CMAS: variants seen among roughly 807,000 people sequenced by gnomAD.
The protein encoded by CMAS is cytidine monophosphate N-acetylneuraminic acid synthetase, also known as N-acylneuraminate cytidylyltransferase.
In CMAS, 21 loss-of-function variants were observed where a neutral mutation model predicts 53.4. The observed-to-expected ratio is 0.39, with a 90% CI of 0.28 to 0.57. The LOEUF (loss-of-function observed/expected upper bound fraction) is 0.57, where lower values mean the gene tolerates loss of function less well. Among genes scored for constraint, CMAS ranks in the 20% least tolerant of loss-of-function variants. CMAS has a pLI of 0.56. For missense variants in CMAS, 384 were observed against 534.9 expected (o/e 0.72, Z 2.78); for synonymous variants, 189 against 195.2 (o/e 0.97, Z 0.27).
chr12:22,046,401 G>T lies in CMAS; in HGVS notation c.98G>T (p.Gly33Val). The stretch of plus-strand genomic sequence containing the variant: ...CCGAAGCTGCAGCGCAACTCTCGCG[G>T]CGGCCAGGGCCGAGGTGTGGAGAAG... Reference protein sequence around the residue: ...RPPKLQRNSRGGQGRGVEKPP... With the variant: ...RPPKLQRNSRVGQGRGVEKPP... The change falls in exon 1 of 8, where the codon GGC becomes GTC. Residue 33 changes from glycine (G) to valine (V), a missense_variant. Transcript: ENST00000229329. The T allele has an allele frequency of 6.3e-7, 1 of 1,589,026 alleles. No homozygotes were observed. The highest frequency in any genetic ancestry group is 8.6e-7 in the Non-Finnish European group (1 of 1,169,416).
chr12:22,057,240 TACACACACACACAC>T (rs71053372), intron 3 of CMAS, among the ~76,000 whole-genome samples: 19 of 118,082 alleles, frequency 1.6e-4, no homozygotes, highest in Admixed American at 1.2e-3. Flanking sequence ...CACACACACA[TACACACACACACAC>T]ACACACACAC....
intron 1 of CMAS, among the ~76,000 whole-genome samples, chr12:22,053,949 CAG>C (rs1365396239): frequency 4.1e-5 from 6 of 145,768 alleles, no homozygotes; most frequent in South Asian, 4.4e-4. Context: ...TTTTTTGAGA[CAG>C]GGTCTCGCTG....
At chr12:22,048,501 T>A (rs1391474231) in intron 1 of CMAS, among the ~76,000 whole-genome samples, 8 of 152,184 alleles carry the variant, frequency 5.3e-5, no homozygotes, top group African/African-American at 1.9e-4. Context: ...CAGGTTCCCT[T>A]AAAATGGCTT....
At chr12:22,056,545 T>C (rs1456905578) in intron 3 of CMAS, among the ~76,000 whole-genome samples, 1 of 152,198 alleles carries the variant, frequency 6.6e-6, no homozygotes. Context: ...ACATCTTGTA[T>C]GTGTTACTGA....
At position 22,046,481 on chromosome 12, in the gene CMAS, C is replaced by A. The variant is rs759974914; in HGVS notation, c.178C>A (p.Leu60Met). ...LARGGSKGIP[L>M]KNIKHLAGVP... ...CCGGGGAGGCAGCAAAGGCATCCCC[C>A]TGAAGAACATTAAGCACCTGGCGGG... Residue 60 changes from leucine to methionine, a missense_variant, in exon 1 of 8, where the codon CTG becomes ATG. By Grantham distance (15) the Leu-to-Met change is conservative (BLOSUM62 2). This residue lies in a region of CMAS where 111 missense variants were observed against 132.2 expected (regional missense o/e 0.84). Transcript: ENST00000229329. The A allele has an allele frequency of 1.2e-6, 2 of 1,610,096 alleles. No homozygotes were observed. Among genetic ancestry groups the A allele is most frequent in the South Asian group, 1.1e-5 (1 of 90,038 alleles).
chr12:22,062,575 A>AAAC, intron 7 of CMAS, 141 bp downstream of exon 7: 1 of 803,890 alleles, frequency 1.2e-6, no homozygotes, highest in Non-Finnish European at 2.0e-6. Context: ...ACTGCTGATC[A>AAAC]AACTGTTAAA....
rs1035277667 is a variant in CMAS at position 22,055,401 on chromosome 12, C to A, written c.404-54C>A. The A allele has an allele frequency of 4.6e-6, 7 of 1,508,026 alleles. No individual in the cohort carries two copies. The Admixed American group carries it at 1.4e-4, about 31-fold the overall frequency. 93.4% of individuals were successfully genotyped at this position (1,508,026 alleles called of 1,614,324 possible). A position where few individuals can be genotyped will look rare whatever the true frequency, so the allele number is the denominator to read the frequency against. Reference sequence around the variant, plus strand: ...GAATTCCAAACCTTAATATTACTTGCTTGCAAGGAACTTTTTTTTTAAATA... The same window carrying A: ...GAATTCCAAACCTTAATATTACTTGATTGCAAGGAACTTTTTTTTTAAATA... On this transcript the variant is annotated intron_variant, in intron 2 of 7. Transcript: ENST00000229329.
At chr12:22,062,485 T>G (rs1950315175) in intron 7 of CMAS, 51 bp downstream of exon 7, 2 of 1,553,754 alleles carry the variant, frequency 1.3e-6, no homozygotes, top group Admixed American at 1.8e-5. Flanking sequence ...AATTAATTAT[T>G]TACTTATTTT....
chr12:22,062,237 A>G, intron 6 of CMAS, 44 bp from the exon 7 acceptor site: 1 of 1,520,518 alleles, frequency 6.6e-7, no homozygotes, highest in Non-Finnish European at 8.8e-7. Flanking sequence ...TCACTTTTTA[A>G]TTTTTCCCTT....
chr12:22,061,559 T>C (rs1165939541), intron 6 of CMAS, 107 bp downstream of exon 6: 3 of 739,914 alleles, frequency 4.1e-6, no homozygotes, highest in Non-Finnish European at 6.0e-6. Flanking sequence ...TCTTAAAATA[T>C]CTGAAATTTG....
chr12:22,053,561 G>A (rs1299046332), intron 1 of CMAS, among the ~76,000 whole-genome samples: 2 of 150,266 alleles, frequency 1.3e-5, no homozygotes, highest in East Asian at 4.0e-4. Flanking sequence ...AAGTCATTAA[G>A]ATATCTTTGC....
chr12:22,057,931 G>A (rs1000996453), intron 3 of CMAS, among the ~76,000 whole-genome samples: 9 of 150,828 alleles, frequency 6.0e-5, no homozygotes, highest in Non-Finnish European at 7.4e-5. Flanking sequence ...GGGTTCAAGC[G>A]ATTCTCCTGC....
At chr12:22,048,450 A>G (rs915306377) in intron 1 of CMAS, among the ~76,000 whole-genome samples, 3 of 152,098 alleles carry the variant, frequency 2.0e-5, no homozygotes, top group African/African-American at 4.8e-5. Flanking sequence ...AAGCCCTAGC[A>G]TGGCTTCTAG....
rs997704092 is a variant in CMAS at position 22,062,396 on chromosome 12, A to C, written c.1076A>C (p.Lys359Thr). The C allele has an allele frequency of 9.9e-6, 16 of 1,613,816 alleles. No homozygotes were observed. The highest frequency in any genetic ancestry group is 1.4e-5 in the Non-Finnish European group (16 of 1,179,816). ...CTAGCAGTTGTAGATGAATGGAGAA[A>C]AGAAATGGGCCTGTGCTGGAAAGAA... ...DKLAVVDEWR[K>T]EMGLCWKEVA... is the part of the protein sequence containing the mutation. Residue 359 changes from lysine to threonine, a missense_variant, in exon 7 of 8, where the codon AAA becomes ACA. By Grantham distance (78) the Lys-to-Thr change is moderately conservative (BLOSUM62 -1). This residue lies in a region of CMAS where 134 missense variants were observed against 154.6 expected (regional missense o/e 0.87). Coordinates refer to ENST00000229329, the MANE Select transcript of CMAS (RefSeq NM_018686.6).
At chr12:22,062,987 T>TACAA (rs1950318782) in intron 7 of CMAS, among the ~76,000 whole-genome samples, 1 of 152,190 alleles carries the variant, frequency 6.6e-6, no homozygotes, top group African/African-American at 2.4e-5. Context: ...ATGCAACCAT[T>TACAA]ACAAACAGTG....
At chr12:22,057,079 T>G (rs1950272912) in intron 3 of CMAS, among the ~76,000 whole-genome samples, 1 of 152,196 alleles carries the variant, frequency 6.6e-6, no homozygotes, top group African/African-American at 2.4e-5. Context: ...TGCTAAGGTT[T>G]TTTCCTGGGT....
intron 4 of CMAS, among the ~76,000 whole-genome samples, chr12:22,059,130 A>T (rs537474412): frequency 0.012 from 1,434 of 117,978 alleles, 25 homozygotes; most frequent in African/African-American, 0.048. Context: ...GAATCTTTTT[A>T]TATATATATA....
chr12:22,056,433 A>G (rs1950268894), intron 3 of CMAS, among the ~76,000 whole-genome samples: 1 of 152,194 alleles, frequency 6.6e-6, no homozygotes, highest in Non-Finnish European at 1.5e-5. Flanking sequence ...TCTATCAGGA[A>G]GATAGGATAA....
chr12:22,064,185 A>AT (rs957018158), intron 7 of CMAS, among the ~76,000 whole-genome samples: 88 of 152,286 alleles, frequency 5.8e-4, no homozygotes, highest in African/African-American at 2.1e-3. Flanking sequence ...TTCAACCAAG[A>AT]TTGTACTATT....
Sources: gnomAD v4.1 joint callset for allele counts (sites outside exome capture counted in the v4.1 genomes callset) on GRCh38, gnomAD v4.1.1 for gene constraint, gnomAD v4.1.1 regional missense constraint, MANE v1.5 for transcripts, NCBI Gene and HGNC (gene_info 2026-07-23, HGNC 2026-07-21) for gene names.